Variants in PTPRG observed in about 807,000 individuals in gnomAD.
PTPRG encodes receptor-type tyrosine-protein phosphatase gamma.
PTPRG carries 102 observed loss-of-function variants against 165.3 expected under a neutral mutation model. That is an observed-to-expected ratio of 0.62 (90% CI 0.53 to 0.73). PTPRG has a LOEUF of 0.73. Ranked by LOEUF, PTPRG falls within the 30% of genes least tolerant of loss-of-function variation. The pLI is 0.00. For synonymous variants in PTPRG, 675 were observed against 669.5 expected, an observed-to-expected ratio of 1.01 and a Z score of -0.13; for missense variants, 1,866 against 1,861.4, an observed-to-expected ratio of 1.00 and a Z score of -0.05.
intron 1 of PTPRG, among the ~76,000 whole-genome samples, chr3:61,568,439 A>G (rs1176599314): frequency 2.0e-5 from 3 of 152,198 alleles, no homozygotes; most frequent in African/African-American, 7.2e-5. Flanking sequence ...GGGCTTCTTG[A>G]GTGATTGTCC....
intron 1 of PTPRG, among the ~76,000 whole-genome samples, chr3:61,630,450 G>T (rs994998467): frequency 1.3e-5 from 2 of 152,140 alleles, no homozygotes; most frequent in Non-Finnish European, 2.9e-5. Context: ...TAATACTTTA[G>T]TATTGTGTGC....
intron 14 of PTPRG, among the ~76,000 whole-genome samples, chr3:62,239,938 T>G (rs1701120216): frequency 6.6e-6 from 1 of 152,212 alleles, no homozygotes; most frequent in East Asian, 1.9e-4. Context: ...AGTGTAGAAT[T>G]TGTACATGCA....
chr3:61,953,756 C>A (rs1208865366), intron 2 of PTPRG, among the ~76,000 whole-genome samples: 1 of 152,196 alleles, frequency 6.6e-6, no homozygotes, highest in Non-Finnish European at 1.5e-5. Context: ...CTAAACTACA[C>A]TCTGTGAGGG....
At chr3:61,705,339 G>A (rs2031191497) in intron 1 of PTPRG, among the ~76,000 whole-genome samples, 1 of 152,132 alleles carries the variant, frequency 6.6e-6, no homozygotes, top group African/African-American at 2.4e-5. Flanking sequence ...GAGGGAGTTG[G>A]AGGGTGGGAG....
At chr3:61,620,917 C>T (rs892254761) in intron 1 of PTPRG, among the ~76,000 whole-genome samples, 1 of 151,914 alleles carries the variant, frequency 6.6e-6, no homozygotes, top group African/African-American at 2.4e-5. Context: ...GCGTGAGCCA[C>T]CGCGCCCGGC....
intron 2 of PTPRG, among the ~76,000 whole-genome samples, chr3:61,818,531 T>G (rs899770532): frequency 1.7e-4 from 26 of 152,172 alleles, no homozygotes; most frequent in African/African-American, 6.3e-4. Flanking sequence ...GGGTGTGGTG[T>G]CTCATGCCTG....
At position 62,277,650 on chromosome 3, in the gene PTPRG, A is replaced by G. The variant is rs1702274235; in HGVS notation, c.3736A>G (p.Ile1246Val). ...GATTTGGGATCATAACGCACAGATC[A>G]TTGTCATGCTGCCAGACAACCAGAG... is the stretch of plus-strand genomic sequence containing the variant. ...RMIWDHNAQI[I>V]VMLPDNQSLA... The change falls in exon 26 of 30, where the codon ATT becomes GTT. Residue 1246 changes from isoleucine to valine, a missense_variant. By Grantham distance (29) the Ile-to-Val change is conservative (BLOSUM62 3). This residue lies in a region of PTPRG where 1,452 missense variants were observed against 1,463.0 expected (regional missense o/e 0.99). Transcript: ENST00000474889. The G allele has an allele frequency of 1.2e-6, 2 of 1,612,674 alleles. No homozygotes were observed. Among genetic ancestry groups the G allele is most frequent in the African/African-American group, 1.3e-5 (1 of 74,848 alleles).
chr3:61,939,042 G>A (rs768673585), intron 2 of PTPRG, among the ~76,000 whole-genome samples: 2 of 152,136 alleles, frequency 1.3e-5, no homozygotes, highest in Non-Finnish European at 2.9e-5. Context: ...ATTATAATAC[G>A]TTTAAATTAC....
intron 1 of PTPRG, among the ~76,000 whole-genome samples, chr3:61,608,299 G>C (rs964748639): frequency 7.9e-5 from 12 of 152,248 alleles, no homozygotes; most frequent in African/African-American, 2.9e-4. Context: ...AAGCCCAGCA[G>C]TTGGGTAGAA....
chr3:62,111,162 A>C (rs1702654374), intron 5 of PTPRG, among the ~76,000 whole-genome samples: 1 of 152,212 alleles, frequency 6.6e-6, no homozygotes, highest in South Asian at 2.1e-4. Flanking sequence ...GAGTTCCTTG[A>C]GTGGAACTGT....
chr3:62,272,446 C>T (rs1411619459), intron 21 of PTPRG, among the ~76,000 whole-genome samples: 1 of 152,052 alleles, frequency 6.6e-6, no homozygotes, highest in Non-Finnish European at 1.5e-5. Context: ...GCATTCTTGC[C>T]TCTTTTTTGT....
Position 61,623,180 on chromosome 3 carries a change from G to T in PTPRG, c.85+60808G>T, listed in dbSNP as rs370937163. Among the ~76,000 whole-genome samples the T allele has an allele frequency of 3.9e-5, 6 of 152,302 alleles. No individual in the cohort carries two copies. In the East Asian group the frequency reaches 5.8e-4, roughly 15 times the overall value. On this transcript the variant is annotated intron_variant, in intron 1 of 29. Transcript: ENST00000474889. ...TTTGCTCAGGGTCTAAGAATCGTAA[G>T]ATACCAAACCTTGGAAGGGGCAGGA...
At chr3:61,715,630 C>G (rs1426956734) in intron 1 of PTPRG, among the ~76,000 whole-genome samples, 1 of 152,150 alleles carries the variant, frequency 6.6e-6, no homozygotes. Flanking sequence ...GTTCCTGGAG[C>G]AGGAGTGAGT....
chr3:61,591,910 A>G (rs1344321433), intron 1 of PTPRG, among the ~76,000 whole-genome samples: 1 of 152,144 alleles, frequency 6.6e-6, no homozygotes, highest in East Asian at 1.9e-4. Flanking sequence ...TTGTTCCTCA[A>G]AGGGGTAGAA....
intron 4 of PTPRG, among the ~76,000 whole-genome samples, chr3:62,040,669 G>GGTCTCCGTCTC (rs11269426): frequency 1.3e-5 from 2 of 151,882 alleles, no homozygotes; most frequent in Non-Finnish European, 2.9e-5. Flanking sequence ...TGGCCAGGAT[G>GGTCTCCGTCTC]TTGACCTCAT....
At chr3:61,599,811 C>G (rs1325383947) in intron 1 of PTPRG, among the ~76,000 whole-genome samples, 1 of 152,084 alleles carries the variant, frequency 6.6e-6, no homozygotes, top group East Asian at 1.9e-4. Flanking sequence ...CATTCTTCAC[C>G]ACAGCAAACA....
intron 5 of PTPRG, among the ~76,000 whole-genome samples, chr3:62,122,414 A>G (rs1402366726): frequency 1.3e-5 from 2 of 152,186 alleles, no homozygotes; most frequent in African/African-American, 4.8e-5. Flanking sequence ...TAATCTGCAG[A>G]GACTACATTA....
intron 2 of PTPRG, among the ~76,000 whole-genome samples, chr3:61,871,943 T>C (rs1315428802): frequency 6.6e-6 from 1 of 152,182 alleles, no homozygotes; most frequent in African/African-American, 2.4e-5. Context: ...AATGTCCTTC[T>C]CCAAGCCAAG....
intron 1 of PTPRG, among the ~76,000 whole-genome samples, chr3:61,610,732 TG>T (rs1459892808): frequency 6.7e-6 from 1 of 149,402 alleles, no homozygotes; most frequent in African/African-American, 2.5e-5. Flanking sequence ...ATTCTCTCAT[TG>T]CCTTCCTGCC....
Sources: allele counts gnomAD v4.1 joint callset (sites outside exome capture counted in the v4.1 genomes callset), GRCh38; gene constraint gnomAD v4.1.1; regional missense constraint gnomAD v4.1.1; transcripts MANE v1.5; gene names NCBI Gene and HGNC (gene_info 2026-07-23, HGNC 2026-07-21).